The following PTPRG variants were observed in gnomAD, a reference collection of about 807,000 sequenced individuals.
PTPRG encodes the protein receptor-type tyrosine-protein phosphatase gamma.
In PTPRG, 102 loss-of-function variants were observed where a neutral mutation model predicts 165.3. The ratio of observed to expected loss-of-function variants is 0.62; its 90% confidence interval spans 0.53 to 0.73. The LOEUF is 0.73. Ranked by LOEUF, PTPRG falls within the 30% of genes least tolerant of loss-of-function variation. The pLI, the probability that PTPRG is intolerant of heterozygous loss-of-function variation, is 0.00. For missense variants in PTPRG, 1,866 were observed against 1,861.4 expected, an observed-to-expected ratio of 1.00 and a Z score of -0.05; for synonymous variants, 675 against 669.5, an observed-to-expected ratio of 1.01 and a Z score of -0.13.
intron 7 of PTPRG, among the ~76,000 whole-genome samples, chr3:62,165,290 C>T (rs1277624225): frequency 6.6e-6 from 1 of 152,174 alleles, no homozygotes; most frequent in East Asian, 1.9e-4. Flanking sequence ...TTTGTTAATA[C>T]TTCTCATATG....
Position 61,581,609 on chromosome 3 carries a change from CTTTT to C in PTPRG, c.85+19252_85+19255del, listed in dbSNP as rs138750100. Among the ~76,000 whole-genome samples the C allele has an allele frequency of 2.7e-3, 374 of 137,054 alleles. 1 individual carries two copies. Among genetic ancestry groups the C allele is most frequent in the South Asian group, 0.015 (62 of 4,242 alleles). The allele number at this position is 137,054 out of a possible 152,430, so 89.9% of individuals were successfully genotyped here. On this transcript the variant is annotated intron_variant, in intron 1 of 29. Transcript: ENST00000474889. ...AGAACCCATGGTTGCTTCTTTTTTT[CTTTT>C]TTTTTTTTTTTTTTATGAGACAGTC... is the stretch of plus-strand genomic sequence containing the variant.
chr3:62,014,362 A>G (rs778351909), intron 4 of PTPRG, among the ~76,000 whole-genome samples: 3 of 152,158 alleles, frequency 2.0e-5, no homozygotes, highest in African/African-American at 4.8e-5. Flanking sequence ...GGGCAAATTT[A>G]CCAAAACCCT....
At chr3:62,041,068 C>T (rs1221618055) in intron 4 of PTPRG, among the ~76,000 whole-genome samples, 1 of 152,182 alleles carries the variant, frequency 6.6e-6, no homozygotes, top group Non-Finnish European at 1.5e-5. Context: ...GTCTCTTCCT[C>T]TGTAAAATGT....
chr3:62,103,721 G>C (rs1296426910), intron 5 of PTPRG, among the ~76,000 whole-genome samples: 1 of 152,204 alleles, frequency 6.6e-6, no homozygotes, highest in African/African-American at 2.4e-5. Flanking sequence ...GATGACACCT[G>C]TCATCAGAGA....
chr3:61,918,286 A>G (rs951558321), intron 2 of PTPRG, among the ~76,000 whole-genome samples: 7 of 152,232 alleles, frequency 4.6e-5, no homozygotes, highest in Non-Finnish European at 1.0e-4. Flanking sequence ...AGAATTAAGT[A>G]CAAGTTGTTC....
At chr3:62,101,534 C>T (rs918753259) in intron 5 of PTPRG, among the ~76,000 whole-genome samples, 1 of 152,118 alleles carries the variant, frequency 6.6e-6, no homozygotes, top group East Asian at 1.9e-4. Context: ...ACTGTCTTAC[C>T]CTTTACTACT....
chr3:61,942,603 A>G (rs142523021), intron 2 of PTPRG, among the ~76,000 whole-genome samples: 2 of 152,312 alleles, frequency 1.3e-5, no homozygotes, highest in East Asian at 1.9e-4. Flanking sequence ...ATGACCATGA[A>G]TTCACTTTTT....
Position 62,286,795 on chromosome 3 carries a change from C to G in PTPRG, c.4055+3926C>G, listed in dbSNP as rs551342141. ...TTACCTAGGTTACAGATTACTTATACCACTTTTGCACCAAGTCCCTGTAGT... is the reference window on the plus strand; with the variant it reads ...TTACCTAGGTTACAGATTACTTATAGCACTTTTGCACCAAGTCCCTGTAGT... On this transcript the variant is annotated intron_variant, in intron 28 of 29. Transcript: ENST00000474889. Among the ~76,000 whole-genome samples, 4 of 152,198 alleles carry G rather than the reference C, an allele frequency of 2.6e-5. No homozygotes were observed. In the East Asian group the frequency reaches 7.7e-4, roughly 29 times the overall value.
chr3:61,847,122 G>A (rs1464070648), intron 2 of PTPRG, among the ~76,000 whole-genome samples: 1 of 152,086 alleles, frequency 6.6e-6, no homozygotes, highest in African/African-American at 2.4e-5. Flanking sequence ...ACCTTCTTTG[G>A]AAATAAGGTT....
chr3:62,296,957 C>T lies in PTPRG; in HGVS notation c.*3650C>T, dbSNP rs1193513896. Reference sequence around the variant, plus strand: ...GGAGAAAGTCGATTTTATAAAATGTCGCAACTCTCCAACATTTGGGGTAGT... The same window carrying T: ...GGAGAAAGTCGATTTTATAAAATGTTGCAACTCTCCAACATTTGGGGTAGT... On this transcript the variant is annotated 3_prime_UTR_variant, in exon 30 of 30. Transcript: ENST00000474889. 3 of 152,058 alleles carry T rather than the reference C, an allele frequency of 2.0e-5. No homozygotes were observed. The highest frequency in any genetic ancestry group is 1.9e-4 in the East Asian group (1 of 5,174). 9.4% of individuals were successfully genotyped at this position (152,058 alleles called of 1,614,324 possible).
intron 4 of PTPRG, among the ~76,000 whole-genome samples, chr3:62,022,531 G>C (rs865875097): frequency 6.6e-6 from 1 of 152,192 alleles, no homozygotes; most frequent in Admixed American, 6.5e-5. Flanking sequence ...CGGTGTGAAC[G>C]ATGCAGGTAG....
chr3:61,701,637 C>T (rs1418678023), intron 1 of PTPRG, among the ~76,000 whole-genome samples: 1 of 152,212 alleles, frequency 6.6e-6, no homozygotes, highest in Non-Finnish European at 1.5e-5. Context: ...GTGGCTCACA[C>T]CTGTGATCCC....
intron 2 of PTPRG, among the ~76,000 whole-genome samples, chr3:61,863,114 G>C (rs2037317223): frequency 6.6e-6 from 1 of 152,220 alleles, no homozygotes. Flanking sequence ...TGCAGACCCA[G>C]GAACTGCTTG....
At chr3:62,184,938 A>G (rs772632215) in intron 8 of PTPRG, among the ~76,000 whole-genome samples, 43 of 150,690 alleles carry the variant, frequency 2.9e-4, no homozygotes, top group Non-Finnish European at 5.2e-4. Context: ...AACTGCAGAT[A>G]GTTTAAGGCA....
chr3:62,253,715 ATTTCT>A (rs2106980840), intron 15 of PTPRG, among the ~76,000 whole-genome samples: 1 of 152,290 alleles, frequency 6.6e-6, no homozygotes, highest in African/African-American at 2.4e-5. Context: ...AGAGCTATAG[ATTTCT>A]TGGGCATGCA....
At chr3:61,570,671 G>A (rs1248887596) in intron 1 of PTPRG, among the ~76,000 whole-genome samples, 5 of 152,142 alleles carry the variant, frequency 3.3e-5, no homozygotes, top group African/African-American at 9.7e-5. Context: ...TGGATAAGGG[G>A]ACACAGCCAT....
intron 19 of PTPRG, among the ~76,000 whole-genome samples, chr3:62,268,386 C>A (rs552068025): frequency 6.6e-6 from 1 of 152,132 alleles, no homozygotes; most frequent in East Asian, 1.9e-4. Context: ...AGCTACACTT[C>A]AAGGAATCAC....
Position 61,605,565 on chromosome 3 carries a change from AT to A in PTPRG, c.85+43200del, listed in dbSNP as rs1327207321. Among the ~76,000 whole-genome samples the A allele has an allele frequency of 4.8e-3, 400 of 82,654 alleles. 6 individuals carry two copies. Among genetic ancestry groups the A allele is most frequent in the Admixed American group, 0.041 (295 of 7,184 alleles). 54.2% of individuals were successfully genotyped at this position (82,654 alleles called of 152,430 possible). A position where few individuals can be genotyped will look rare whatever the true frequency, so the allele number is the denominator to read the frequency against. On this transcript the variant is annotated intron_variant, in intron 1 of 29. Coordinates refer to ENST00000474889, the MANE Select transcript of PTPRG (RefSeq NM_002841.4). ...GCCACCACACCAAGCCAATTTTTTT[AT>A]TTTTTTGTTTTTTTTATTTTTAGAA...
chr3:62,084,133 T>C (rs1386439793), intron 5 of PTPRG, among the ~76,000 whole-genome samples: 1 of 152,228 alleles, frequency 6.6e-6, no homozygotes, highest in African/African-American at 2.4e-5. Context: ...TGTGGTCAGT[T>C]CTGAATCTTT....
Sources: allele counts gnomAD v4.1 joint callset (sites outside exome capture counted in the v4.1 genomes callset), GRCh38; gene constraint gnomAD v4.1.1; transcripts MANE v1.5; gene names NCBI Gene and HGNC (gene_info 2026-07-23, HGNC 2026-07-21).